Variants in SHTN1 observed in about 807,000 individuals in gnomAD.
SHTN1 encodes the protein shootin 1, also known as shootin-1.
SHTN1 carries 42 observed loss-of-function variants against 83.1 expected under a neutral mutation model. The ratio of observed to expected loss-of-function variants is 0.51; its 90% confidence interval spans 0.39 to 0.65. The LOEUF is 0.65. Among genes scored for constraint, SHTN1 ranks in the 30% least tolerant of loss-of-function variants. The pLI, the probability that SHTN1 is intolerant of heterozygous loss-of-function variation, is 0.00. For missense variants in SHTN1, 622 were observed against 737.8 expected (o/e 0.84, Z 1.82); for synonymous variants, 224 against 247.7 (o/e 0.90, Z 0.90).
chr10:116,898,596 T>C (rs181341269), intron 16 of SHTN1, among the ~76,000 whole-genome samples: 93 of 152,268 alleles, frequency 6.1e-4, no homozygotes, highest in Non-Finnish European at 9.7e-4. Flanking sequence ...CACTGTGAGA[T>C]TTAAGATACT....
intron 16 of SHTN1, among the ~76,000 whole-genome samples, chr10:116,889,836 CTTAGTT>C (rs1330664077): frequency 6.6e-6 from 1 of 152,186 alleles, no homozygotes; most frequent in Non-Finnish European, 1.5e-5. Flanking sequence ...CAAGCTATCC[CTTAGTT>C]TTAATTTTTC....
chr10:116,959,785 C>A (rs1021740891), intron 4 of SHTN1, among the ~76,000 whole-genome samples: 1 of 152,140 alleles, frequency 6.6e-6, no homozygotes, highest in Middle Eastern at 3.2e-3. Flanking sequence ...TTATGTCACA[C>A]CAGGTTAGTT....
At chr10:117,103,764 C>T (rs570142310) in intron 1 of SHTN1, among the ~76,000 whole-genome samples, 2 of 152,158 alleles carry the variant, frequency 1.3e-5, no homozygotes, top group African/African-American at 4.8e-5. Context: ...TCTCGATCTC[C>T]TGACCTCATG....
intron 2 of SHTN1, among the ~76,000 whole-genome samples, chr10:117,022,097 C>T (rs1852270633): frequency 1.3e-5 from 2 of 152,210 alleles, no homozygotes; most frequent in South Asian, 4.1e-4. Flanking sequence ...ATTGGCCTGC[C>T]TTCTAGATCT....
intron 1 of SHTN1, among the ~76,000 whole-genome samples, chr10:116,991,514 G>A (rs1216196746): frequency 2.6e-5 from 4 of 152,152 alleles, no homozygotes; most frequent in African/African-American, 9.7e-5. Flanking sequence ...CAGGAGAGAA[G>A]GGAAAGGTGT....
At chr10:117,091,711 T>C (rs1278650988) in intron 1 of SHTN1, among the ~76,000 whole-genome samples, 1 of 152,228 alleles carries the variant, frequency 6.6e-6, no homozygotes, top group Non-Finnish European at 1.5e-5. Context: ...TTGCTCATGC[T>C]GGTCCTTCCA....
chr10:116,937,808 G>A (rs553114922), intron 9 of SHTN1, among the ~76,000 whole-genome samples: 6 of 152,104 alleles, frequency 3.9e-5, no homozygotes, highest in East Asian at 1.9e-4. Flanking sequence ...CCAATCAAAC[G>A]TAGGTTTGGT....
intron 7 of SHTN1, among the ~76,000 whole-genome samples, chr10:116,945,604 G>C (rs890961898): frequency 6.6e-6 from 1 of 152,038 alleles, no homozygotes; most frequent in Non-Finnish European, 1.5e-5. Context: ...AGGAATCAAG[G>C]AAATGCAGAG....
intron 1 of SHTN1, among the ~76,000 whole-genome samples, chr10:117,053,234 A>T (rs1334802091): frequency 1.3e-5 from 2 of 151,782 alleles, no homozygotes; most frequent in African/African-American, 4.8e-5. Flanking sequence ...CATGAAAAGC[A>T]CAAACAACAA....
chr10:116,941,527 G>A (rs530386065), intron 8 of SHTN1, among the ~76,000 whole-genome samples: 1 of 152,222 alleles, frequency 6.6e-6, no homozygotes, highest in South Asian at 2.1e-4. Context: ...CTGAAATCTG[G>A]CCTACCAATT....
chr10:117,107,805 C>A (rs1465921395), intron 1 of SHTN1, among the ~76,000 whole-genome samples: 2 of 152,142 alleles, frequency 1.3e-5, no homozygotes, highest in African/African-American at 4.8e-5. Context: ...AGGTTTCCCT[C>A]AGCAATTCTG....
chr10:117,031,953 A>G (rs1852421484), intron 2 of SHTN1, among the ~76,000 whole-genome samples: 1 of 152,200 alleles, frequency 6.6e-6, no homozygotes, highest in South Asian at 2.1e-4. Context: ...CAAAAGACAT[A>G]GAGTGGCTAA....
chr10:117,096,186 T>C (rs1284629606), intron 1 of SHTN1, among the ~76,000 whole-genome samples: 1 of 152,186 alleles, frequency 6.6e-6, no homozygotes, highest in African/African-American at 2.4e-5. Context: ...AAATAAAGTG[T>C]AACGATTTGG....
intron 1 of SHTN1, among the ~76,000 whole-genome samples, chr10:116,991,527 T>C (rs954035852): frequency 6.6e-5 from 10 of 152,150 alleles, no homozygotes; most frequent in Admixed American, 4.6e-4. Context: ...AAAGGTGTTA[T>C]GCACTTTTCA....
At chr10:116,991,954 C>A (rs976781600) in intron 1 of SHTN1, among the ~76,000 whole-genome samples, 3 of 152,054 alleles carry the variant, frequency 2.0e-5, no homozygotes, top group African/African-American at 7.2e-5. Context: ...CCAGCCTGAG[C>A]AGCATGGTGA....
chr10:117,011,453 A>G (rs570695004), intron 2 of SHTN1, among the ~76,000 whole-genome samples: 1 of 152,300 alleles, frequency 6.6e-6, no homozygotes, highest in East Asian at 1.9e-4. Context: ...CTATTAGTCA[A>G]TATGTCTGTC....
chr10:117,042,857 C>A (rs1398595279), intron 2 of SHTN1, among the ~76,000 whole-genome samples: 1 of 152,068 alleles, frequency 6.6e-6, no homozygotes, highest in Non-Finnish European at 1.5e-5. Flanking sequence ...CTCAGGTGAT[C>A]CACCCGCCTC....
At chr10:116,943,080 G>A (rs373722131) in intron 8 of SHTN1, among the ~76,000 whole-genome samples, 5 of 152,160 alleles carry the variant, frequency 3.3e-5, no homozygotes, top group African/African-American at 1.2e-4. Context: ...AAATTGTTGA[G>A]TGCCACTGCA....
intron 4 of SHTN1, among the ~76,000 whole-genome samples, chr10:116,958,455 C>T (rs1850061669): frequency 6.6e-6 from 1 of 152,050 alleles, no homozygotes; most frequent in Non-Finnish European, 1.5e-5. Flanking sequence ...GGTAAGGATC[C>T]TATTATTAAG....
Sources: allele counts gnomAD v4.1 joint callset (sites outside exome capture counted in the v4.1 genomes callset), GRCh38; gene constraint gnomAD v4.1.1; transcripts MANE v1.5; gene names NCBI Gene and HGNC (gene_info 2026-07-23, HGNC 2026-07-21).